The following POU2F3 variants were observed in gnomAD, a reference collection of about 807,000 sequenced individuals.
POU2F3 encodes the protein POU class 2 homeobox 3.
POU2F3 carries 23 observed loss-of-function variants against 59.2 expected under a neutral mutation model. The observed-to-expected ratio is 0.39, with a 90% CI of 0.28 to 0.55. The LOEUF (loss-of-function observed/expected upper bound fraction) is 0.55, where lower values mean the gene tolerates loss of function less well. POU2F3 is among the 20% of genes least tolerant of loss of function. POU2F3 has a pLI of 0.66. For missense variants in POU2F3, 473 were observed against 544.5 expected, an observed-to-expected ratio of 0.87 and a Z score of 1.31; for synonymous variants, 190 against 214.6, an observed-to-expected ratio of 0.89 and a Z score of 1.00.
intron 3 of POU2F3, among the ~76,000 whole-genome samples, chr11:120,293,026 A>G (rs1941075857): frequency 6.6e-6 from 1 of 152,214 alleles, no homozygotes; most frequent in Non-Finnish European, 1.5e-5. Context: ...AAGCAGGAAA[A>G]ATAAGGATGG....
chr11:120,238,204 C>T (rs1938547545), upstream of POU2F3, among the ~76,000 whole-genome samples: 1 of 152,124 alleles, frequency 6.6e-6, no homozygotes, highest in Admixed American at 6.5e-5. Context: ...GATGCCATTG[C>T]ACTCCAGCCT....
At chr11:120,262,233 T>C (rs1342303868) in intron 2 of POU2F3, among the ~76,000 whole-genome samples, 1 of 152,260 alleles carries the variant, frequency 6.6e-6, no homozygotes, top group Non-Finnish European at 1.5e-5. Flanking sequence ...GAAACTTCAA[T>C]GAACAGCCAC....
At chr11:120,247,314 G>A (rs1938914449) in intron 2 of POU2F3, among the ~76,000 whole-genome samples, 1 of 152,176 alleles carries the variant, frequency 6.6e-6, no homozygotes, top group African/African-American at 2.4e-5. Context: ...GAAATTAGAA[G>A]TGGAAGAGAA....
intron 3 of POU2F3, among the ~76,000 whole-genome samples, chr11:120,278,374 A>G (rs1282346175): frequency 6.6e-6 from 1 of 152,210 alleles, no homozygotes; most frequent in African/African-American, 2.4e-5. Flanking sequence ...CACAGATTTC[A>G]GAAAACATCT....
At chr11:120,238,817 A>T (rs1938562899), upstream of POU2F3, among the ~76,000 whole-genome samples, 1 of 136,614 alleles carries the variant, frequency 7.3e-6, no homozygotes. Context: ...CAACAGAGCA[A>T]GACTCTGTCT....
chr11:120,272,273 G>T (rs1940110494), intron 3 of POU2F3, among the ~76,000 whole-genome samples: 2 of 152,170 alleles, frequency 1.3e-5, no homozygotes, highest in South Asian at 2.1e-4. Flanking sequence ...TCACACAATT[G>T]GTTGACAGGC....
intron 3 of POU2F3, among the ~76,000 whole-genome samples, chr11:120,288,674 G>A (rs1436296102): frequency 1.3e-5 from 2 of 152,198 alleles, no homozygotes; most frequent in East Asian, 3.8e-4. Context: ...GAACATCATG[G>A]AGATGTACAA....
chr11:120,281,502 C>G (rs1940569757), intron 3 of POU2F3, among the ~76,000 whole-genome samples: 1 of 151,778 alleles, frequency 6.6e-6, no homozygotes, highest in African/African-American at 2.4e-5. Flanking sequence ...TTCATGGCCC[C>G]CATACCCTCC....
intron 11 of POU2F3, among the ~76,000 whole-genome samples, chr11:120,316,414 T>A (rs1289856352): frequency 2.6e-5 from 4 of 152,094 alleles, no homozygotes; most frequent in African/African-American, 9.7e-5. Flanking sequence ...CCCAGTTCAT[T>A]GTTCTTTTTG....
chr11:120,273,150 T>C (rs1480040554), intron 3 of POU2F3, among the ~76,000 whole-genome samples: 1 of 152,212 alleles, frequency 6.6e-6, no homozygotes, highest in African/African-American at 2.4e-5. Flanking sequence ...TTTTCCAGCC[T>C]TTATGATTGT....
At chr11:120,243,711 C>T (rs989632394) in intron 1 of POU2F3, among the ~76,000 whole-genome samples, 8 of 152,146 alleles carry the variant, frequency 5.3e-5, no homozygotes, top group Non-Finnish European at 8.8e-5. Context: ...CCCAAAAGCT[C>T]GTCCCACCCA....
intron 11 of POU2F3, among the ~76,000 whole-genome samples, chr11:120,315,840 T>A (rs1941769731): frequency 6.7e-6 from 1 of 149,476 alleles, no homozygotes; most frequent in South Asian, 2.1e-4. Flanking sequence ...TGTCCTGACA[T>A]AATTATCAAT....
At chr11:120,239,743 G>A (rs1308029294), upstream of POU2F3, among the ~76,000 whole-genome samples, 1 of 152,198 alleles carries the variant, frequency 6.6e-6, no homozygotes, top group Non-Finnish European at 1.5e-5. Flanking sequence ...GCTGGTAAGC[G>A]GTTGGGAGGC....
In POU2F3 at chr11:120,298,397, CTG is replaced by C; in HGVS notation, c.258+10_258+11del. On this transcript the variant is annotated splice_region_variant and intron_variant, in intron 4 of 12. Transcript: ENST00000543440. Reference sequence around the variant, plus strand: ...AAATGCCAGCCCATGTCAGGTAACACTGTGATTTTCACAGTGGGCCAGTGTGT... The same window carrying C: ...AAATGCCAGCCCATGTCAGGTAACACTGATTTTCACAGTGGGCCAGTGTGT... The C allele has an allele frequency of 7.4e-6, 12 of 1,613,322 alleles. No homozygotes were observed. The highest frequency in any genetic ancestry group is 1.0e-5 in the Non-Finnish European group (12 of 1,179,744).
intron 2 of POU2F3, among the ~76,000 whole-genome samples, chr11:120,268,472 C>T (rs1939930310): frequency 6.6e-6 from 1 of 152,130 alleles, no homozygotes; most frequent in Admixed American, 6.5e-5. Context: ...CCCTGAGTAG[C>T]TGGGACTACA....
chr11:120,283,643 C>A (rs560901479), intron 3 of POU2F3, among the ~76,000 whole-genome samples: 2 of 152,176 alleles, frequency 1.3e-5, no homozygotes, highest in African/African-American at 4.8e-5. Context: ...AGCCTGCCCC[C>A]ACCCACTCCC....
chr11:120,311,163 C>T (rs947320236), intron 10 of POU2F3, among the ~76,000 whole-genome samples: 3 of 152,008 alleles, frequency 2.0e-5, no homozygotes, highest in Non-Finnish European at 4.4e-5. Context: ...CTGGACAGAC[C>T]AGCAGGGGCC....
chr11:120,265,895 C>T (rs539593874), intron 2 of POU2F3: 1 of 152,416 alleles, frequency 6.6e-6, no homozygotes, highest in South Asian at 2.1e-4. Context: ...CCTGCCCACT[C>T]TTTCTCAGTC....
chr11:120,274,078 A>G (rs1940199178), intron 3 of POU2F3, among the ~76,000 whole-genome samples: 1 of 141,212 alleles, frequency 7.1e-6, no homozygotes, highest in Non-Finnish European at 1.5e-5. Flanking sequence ...AGAAAGAAAA[A>G]GAGAGAAAGA....
Sources: gnomAD v4.1 joint callset for allele counts (sites outside exome capture counted in the v4.1 genomes callset) on GRCh38, gnomAD v4.1.1 for gene constraint, MANE v1.5 for transcripts, NCBI Gene and HGNC (gene_info 2026-07-23, HGNC 2026-07-21) for gene names.